The following CLVS1 variants were observed in gnomAD, a reference collection of about 807,000 sequenced individuals.
CLVS1 encodes clavesin-1.
CLVS1 carries 10 observed loss-of-function variants against 33.1 expected under a neutral mutation model. The observed-to-expected ratio is 0.30, with a 90% confidence interval of 0.19 to 0.51. The LOEUF (loss-of-function observed/expected upper bound fraction) is 0.51, where lower values mean the gene tolerates loss of function less well. Among genes scored for constraint, CLVS1 ranks in the 20% least tolerant of loss-of-function variants. CLVS1 has a pLI of 0.97. For synonymous variants in CLVS1, 163 were observed against 166.1 expected, an observed-to-expected ratio of 0.98 and a Z score of 0.14; for missense variants, 343 against 433.4, an observed-to-expected ratio of 0.79 and a Z score of 1.85.
At chr8:61,235,436 A>C (rs1486649) in intron 2 of CLVS1, among the ~76,000 whole-genome samples, 24,327 of 152,226 alleles carry the variant, frequency 0.16, 3,601 homozygotes, top group East Asian at 0.68. Flanking sequence ...AACTACAAAT[A>C]ACTACAATTA....
At chr8:61,137,674 T>C (rs1806215388) in intron 2 of CLVS1, among the ~76,000 whole-genome samples, 1 of 152,176 alleles carries the variant, frequency 6.6e-6, no homozygotes, top group African/African-American at 2.4e-5. Flanking sequence ...AGAATTACTT[T>C]CCTTTCCTCC....
intron 1 of CLVS1, among the ~76,000 whole-genome samples, chr8:61,057,631 GA>G (rs796843636): frequency 0.01 from 1,462 of 143,930 alleles, 30 homozygotes; most frequent in African/African-American, 0.034. Context: ...CCAGTCAGAA[GA>G]AAAAAAAAAA....
intron 2 of CLVS1, among the ~76,000 whole-genome samples, chr8:61,180,479 A>C (rs1807207073): frequency 6.6e-6 from 1 of 152,204 alleles, no homozygotes; most frequent in South Asian, 2.1e-4. Context: ...TTCCTCCATC[A>C]CTAATTTTAT....
At chr8:61,200,787 A>G (rs890986019) in intron 2 of CLVS1, among the ~76,000 whole-genome samples, 1 of 152,240 alleles carries the variant, frequency 6.6e-6, no homozygotes, top group Non-Finnish European at 1.5e-5. Context: ...AATAGGCAAC[A>G]TAATTATTTC....
chr8:60,999,919 A>G, the CLVS1 span, among the ~76,000 whole-genome samples: 2 of 152,216 alleles, frequency 1.3e-5, no homozygotes, highest in East Asian at 1.9e-4. Context: ...GAGAAAGTCT[A>G]ACAACTTTCT....
chr8:61,082,678 G>A (rs1805043268), intron 1 of CLVS1, among the ~76,000 whole-genome samples: 2 of 152,210 alleles, frequency 1.3e-5, no homozygotes, highest in African/African-American at 2.4e-5. Flanking sequence ...TGAGAGTGGA[G>A]TGAAATATTT....
intron 3 of CLVS1, among the ~76,000 whole-genome samples, chr8:61,410,576 A>G (rs527844274): frequency 1.4e-4 from 22 of 152,146 alleles, no homozygotes; most frequent in South Asian, 1.2e-3. Flanking sequence ...CTCTACTTCT[A>G]TTCTCTGCAT....
intron 4 of CLVS1, among the ~76,000 whole-genome samples, chr8:61,457,952 C>T (rs2350222): frequency 1.3e-5 from 2 of 151,994 alleles, no homozygotes. Context: ...GATGGGAGAG[C>T]AGAGCAGTCT....
At chr8:61,319,725 A>G (rs1017546805) in intron 2 of CLVS1, among the ~76,000 whole-genome samples, 7 of 152,096 alleles carry the variant, frequency 4.6e-5, no homozygotes, top group Non-Finnish European at 8.8e-5. Flanking sequence ...TTTCTGTTTG[A>G]TTGGGGAAAG....
chr8:61,392,603 A>G (rs374677729), intron 3 of CLVS1, among the ~76,000 whole-genome samples: 2 of 152,044 alleles, frequency 1.3e-5, no homozygotes, highest in South Asian at 4.1e-4. Context: ...CACACCTGTA[A>G]TCCCAGCACT....
intron 2 of CLVS1, among the ~76,000 whole-genome samples, chr8:61,184,744 C>T (rs1807309018): frequency 1.3e-5 from 2 of 152,158 alleles, no homozygotes; most frequent in African/African-American, 4.8e-5. Flanking sequence ...GAGGATTTTG[C>T]ACAGCTGGGG....
At chr8:61,123,719 AT>A (rs1331343785) in intron 1 of CLVS1, among the ~76,000 whole-genome samples, 1 of 152,160 alleles carries the variant, frequency 6.6e-6, no homozygotes, top group Non-Finnish European at 1.5e-5. Context: ...GTCGGTGTGC[AT>A]GGACTAAAGC....
chr8:61,094,148 G>GAAT (rs1045155794), intron 1 of CLVS1, among the ~76,000 whole-genome samples: 21 of 152,306 alleles, frequency 1.4e-4, no homozygotes, highest in African/African-American at 5.1e-4. Flanking sequence ...TCAGACCTGT[G>GAAT]AATGGACTCT....
intron 2 of CLVS1, among the ~76,000 whole-genome samples, chr8:61,242,652 G>A (rs1171089414): frequency 6.6e-6 from 1 of 151,916 alleles, no homozygotes; most frequent in Non-Finnish European, 1.5e-5. Flanking sequence ...AACCAGACAT[G>A]GTGACACATG....
At chr8:61,080,241 A>G (rs1218985627) in intron 1 of CLVS1, among the ~76,000 whole-genome samples, 1 of 152,242 alleles carries the variant, frequency 6.6e-6, no homozygotes, top group African/African-American at 2.4e-5. Context: ...AAAAAACACT[A>G]TATATTACAA....
At position 61,264,192 on chromosome 8, in the gene CLVS1, C is replaced by T. The variant is rs1319108827; in HGVS notation, c.-151-35485C>T. Among the ~76,000 whole-genome samples the T allele has an allele frequency of 2.0e-5, 3 of 152,148 alleles. No individual in the cohort carries two copies. The East Asian group carries it at 5.9e-4, about 30-fold the overall frequency. On this transcript the variant is annotated intron_variant, in intron 2 of 2. Transcript: ENST00000522621. The stretch of plus-strand genomic sequence containing the variant: ...TGCAGATCTTGTCTTTTTCTTCCCT[C>T]TGTATCTCTCTGGGTGATCTCATTC...
At chr8:61,092,086 A>G (rs1017451437) in intron 1 of CLVS1, among the ~76,000 whole-genome samples, 2 of 152,262 alleles carry the variant, frequency 1.3e-5, no homozygotes, top group Non-Finnish European at 2.9e-5. Context: ...GATGTGAATT[A>G]TTTAATTAGA....
chr8:61,448,713 A>G (rs988876243), intron 3 of CLVS1, among the ~76,000 whole-genome samples: 1 of 122,200 alleles, frequency 8.2e-6, no homozygotes, highest in African/African-American at 2.9e-5. Context: ...CTCTCTCTCA[A>G]AAAAAAAAAA....
Position 61,499,983 on chromosome 8 carries a change from T to C in CLVS1, c.*441T>C, listed in dbSNP as rs559024651. The stretch of plus-strand genomic sequence containing the variant: ...GTACAGACACCACTGTCAAGTTTCA[T>C]GTAGTACAAAGCCCTGAGACAATAG... On this transcript the variant is annotated 3_prime_UTR_variant, in exon 6 of 6. Coordinates refer to ENST00000325897, the MANE Select transcript of CLVS1 (RefSeq NM_173519.3). 1.3e-5 allele frequency: 2 copies of C among 156,518 alleles called. No homozygotes were observed. Among genetic ancestry groups the C allele is most frequent in the Non-Finnish European group, 2.9e-5 (2 of 70,090 alleles). The allele number at this position is 156,518 out of a possible 1,614,324, so 9.7% of individuals were successfully genotyped here.
Sources: gnomAD v4.1 joint callset for allele counts (sites outside exome capture counted in the v4.1 genomes callset) on GRCh38, gnomAD v4.1.1 for gene constraint, MANE v1.5 for transcripts, NCBI Gene and HGNC (gene_info 2026-07-23, HGNC 2026-07-21) for gene names.